The following MARK3 variants were observed in gnomAD, a reference collection of about 807,000 sequenced individuals.
MARK3 encodes the protein MAP/microtubule affinity-regulating kinase 3.
In MARK3, 46 loss-of-function variants were observed where a neutral mutation model predicts 90.1. The ratio of observed to expected loss-of-function variants is 0.51; its 90% CI spans 0.40 to 0.65. The LOEUF (loss-of-function observed/expected upper bound fraction) is 0.65, where lower values mean the gene tolerates loss of function less well. Ranked by LOEUF, MARK3 falls within the 30% of genes least tolerant of loss-of-function variation. MARK3 has a pLI of 0.00. For synonymous variants in MARK3, 321 were observed against 332.6 expected (o/e 0.97, Z 0.38); for missense variants, 818 against 947.2 (o/e 0.86, Z 1.79).
intron 3 of MARK3, among the ~76,000 whole-genome samples, chr14:103,446,869 C>T (rs2093010745): frequency 6.6e-6 from 1 of 151,770 alleles, no homozygotes; most frequent in Non-Finnish European, 1.5e-5. Context: ...ACCAATTCAA[C>T]TATAATGGAT....
At chr14:103,494,565 A>G (rs1280512442) in intron 15 of MARK3, among the ~76,000 whole-genome samples, 1 of 140,514 alleles carries the variant, frequency 7.1e-6, no homozygotes, top group Admixed American at 7.2e-5. Context: ...AAAAAAAAAA[A>G]GACTAGCATT....
chr14:103,498,142 G>A (rs1338740269), intron 15 of MARK3, among the ~76,000 whole-genome samples: 1 of 151,904 alleles, frequency 6.6e-6, no homozygotes, highest in Middle Eastern at 3.4e-3. Context: ...GCTTCAACCC[G>A]GGAGGCATAG....
intron 2 of MARK3, chr14:103,411,980 C>G (rs996584213): frequency 1.6e-5 from 4 of 250,920 alleles, no homozygotes; most frequent in African/African-American, 2.4e-5. Context: ...ATTTACTCTT[C>G]CACATGAATT....
intron 2 of MARK3, among the ~76,000 whole-genome samples, chr14:103,422,130 T>C (rs564165697): frequency 2.0e-5 from 3 of 152,340 alleles, no homozygotes; most frequent in Non-Finnish European, 4.4e-5. Context: ...AAAGTCATCA[T>C]TGACTTTAAA....
chr14:103,468,628 C>T (rs1469649691), intron 12 of MARK3, among the ~76,000 whole-genome samples: 1 of 151,690 alleles, frequency 6.6e-6, no homozygotes, highest in Non-Finnish European at 1.5e-5. Context: ...GCCTGGCCAG[C>T]ATTTTTTCTT....
At chr14:103,408,122 G>T (rs2091424300) in intron 2 of MARK3, among the ~76,000 whole-genome samples, 1 of 152,136 alleles carries the variant, frequency 6.6e-6, no homozygotes, top group African/African-American at 2.4e-5. Context: ...ACTTAACACA[G>T]TGCTTGGAAC....
rs541946489 is a variant in MARK3, at chr14:103,468,562, G to C, written c.1264+376G>C. Among the ~76,000 whole-genome samples the C allele has an allele frequency of 1.5e-4, 23 of 151,986 alleles. No homozygotes were observed. The South Asian group carries it at 4.2e-3, about 27-fold the overall frequency. ...GCTGGTCTTCAGCTCCTGGCCTTAA[G>C]TGATCCACCTGCCTTGGCCTCCCAG... On this transcript the variant is annotated intron_variant, in intron 12 of 17. Coordinates refer to ENST00000429436, the MANE Select transcript of MARK3 (RefSeq NM_001128918.3).
At chr14:103,426,623 T>C (rs2092412908) in intron 2 of MARK3, among the ~76,000 whole-genome samples, 2 of 152,214 alleles carry the variant, frequency 1.3e-5, no homozygotes, top group Non-Finnish European at 2.9e-5. Flanking sequence ...TTTTCTTCCC[T>C]TCTATTGTCA....
chr14:103,503,228 C>T lies in MARK3; in HGVS notation c.*1C>T. The T allele has an allele frequency of 1.3e-6, 2 of 1,599,894 alleles. No homozygotes were observed. Among genetic ancestry groups the T allele is most frequent in the Non-Finnish European group, 1.7e-6 (2 of 1,169,340 alleles). Reference sequence around the variant, plus strand: ...AATTGCCAATGAGCTAAAGCTGTAACCCAGTGATTATGATGTAAATTAAGT... The same window carrying T: ...AATTGCCAATGAGCTAAAGCTGTAATCCAGTGATTATGATGTAAATTAAGT... On this transcript the variant is annotated 3_prime_UTR_variant, in exon 18 of 18. Transcript: ENST00000429436.
At chr14:103,413,171 G>A (rs993688734) in intron 2 of MARK3, among the ~76,000 whole-genome samples, 6 of 152,064 alleles carry the variant, frequency 3.9e-5, no homozygotes, top group Non-Finnish European at 7.4e-5. Context: ...ACCACATCCG[G>A]CTAATGCCAA....
rs992534345 is a variant in MARK3 at position 103,503,322 on chromosome 14, A to T, written c.*95A>T. On this transcript the variant is annotated 3_prime_UTR_variant, in exon 18 of 18. Coordinates refer to ENST00000429436, the MANE Select transcript of MARK3 (RefSeq NM_001128918.3). ...ATAATATTTAGGCAATAACGTCTGC[A>T]TCTTCTAAATCATGAAATTAAAGTC... is the stretch of plus-strand genomic sequence containing the variant. 2 of 1,104,076 alleles carry T rather than the reference A, an allele frequency of 1.8e-6. No individual in the cohort carries two copies. Among genetic ancestry groups the T allele is most frequent in the African/African-American group, 1.6e-5 (1 of 63,500 alleles). The allele number at this position is 1,104,076 out of a possible 1,614,324, so 68.4% of individuals were successfully genotyped here.
At position 103,428,581 on chromosome 14, in the gene MARK3, G is replaced by A. The variant is rs939188654; in HGVS notation, c.297+141G>A. On this transcript the variant is annotated intron_variant, in intron 3 of 17. Coordinates refer to ENST00000429436, the MANE Select transcript of MARK3 (RefSeq NM_001128918.3). The stretch of plus-strand genomic sequence containing the variant: ...ATTCCTCAAATGAATGCAACTTAAT[G>A]TAGTATTTCATGAAAAATTGTTGGG... 1.2e-5 allele frequency: 7 copies of A among 598,826 alleles called. No individual in the cohort carries two copies. In the African/African-American group the frequency reaches 1.2e-4, roughly 10 times the overall value. The allele number at this position is 598,826 out of a possible 1,614,324, so 37.1% of individuals were successfully genotyped here. A position where few individuals can be genotyped will look rare whatever the true frequency, so the allele number is the denominator to read the frequency against.
chr14:103,500,041 G>A, intron 16 of MARK3, 115 bp from the exon 17 acceptor site: 2 of 811,858 alleles, frequency 2.5e-6, no homozygotes, highest in South Asian at 3.0e-5. Context: ...TTTAAAACGT[G>A]TTTTGGCTTT....
intron 7 of MARK3, among the ~76,000 whole-genome samples, chr14:103,463,846 T>G (rs1168559398): frequency 1.3e-5 from 2 of 152,150 alleles, no homozygotes; most frequent in African/African-American, 2.4e-5. Context: ...AACCCAAACT[T>G]CTCAAGTACA....
Position 103,434,112 on chromosome 14 carries a change from A to C in MARK3, c.297+5672A>C, listed in dbSNP as rs541230871. 3.3e-5 allele frequency among the ~76,000 whole-genome samples: 5 copies of C among 152,222 alleles called. No individual in the cohort carries two copies. The South Asian group carries it at 1.0e-3, about 32-fold the overall frequency. ...AGGTGGCTACATGGAGACACTTAAC[A>C]CTCTGGGAGGATACAGCGTACCAGA... On this transcript the variant is annotated intron_variant, in intron 3 of 17. Coordinates refer to ENST00000429436, the MANE Select transcript of MARK3 (RefSeq NM_001128918.3).
chr14:103,486,388 G>A (rs530005909), intron 14 of MARK3, among the ~76,000 whole-genome samples: 5 of 150,974 alleles, frequency 3.3e-5, no homozygotes, highest in African/African-American at 1.2e-4. Context: ...GTAGTGAGCC[G>A]AGATCACACC....
At chr14:103,400,289 G>C (rs2140576165) in intron 1 of MARK3, among the ~76,000 whole-genome samples, 1 of 152,210 alleles carries the variant, frequency 6.6e-6, no homozygotes, top group Non-Finnish European at 1.5e-5. Flanking sequence ...TTGCCACCTA[G>C]TAGACTTTAA....
At chr14:103,472,735 C>T (rs140456236) in intron 12 of MARK3, among the ~76,000 whole-genome samples, 11 of 150,782 alleles carry the variant, frequency 7.3e-5, no homozygotes, top group South Asian at 6.3e-4. Flanking sequence ...AGGCTGGGCG[C>T]GGTGGCTCAC....
intron 3 of MARK3, among the ~76,000 whole-genome samples, chr14:103,431,196 A>G (rs571689228): frequency 9.9e-5 from 15 of 152,122 alleles, no homozygotes; most frequent in African/African-American, 2.9e-4. Flanking sequence ...GGTTCAAGCA[A>G]TTCTTCTCCC....
Sources: allele counts gnomAD v4.1 joint callset (sites outside exome capture counted in the v4.1 genomes callset), GRCh38; gene constraint gnomAD v4.1.1; transcripts MANE v1.5; gene names NCBI Gene and HGNC (gene_info 2026-07-23, HGNC 2026-07-21).